The following PCDH15 variants were observed in gnomAD, a reference collection of about 807,000 sequenced individuals.
PCDH15 encodes protocadherin-15.
Under a neutral mutation model 178.5 loss-of-function variants are expected in PCDH15, and 129 were observed. The ratio of observed to expected loss-of-function variants is 0.72; its 90% CI spans 0.63 to 0.84. PCDH15 has a LOEUF of 0.84. PCDH15 is among the 40% of genes least tolerant of loss of function. The pLI, the probability that PCDH15 is intolerant of heterozygous loss-of-function variation, is 0.00. For synonymous variants in PCDH15, 800 were observed against 732.0 expected (o/e 1.09, Z -1.50); for missense variants, 2,230 against 2,099.9 (o/e 1.06, Z -1.21).
intron 1 of PCDH15, among the ~76,000 whole-genome samples, chr10:55,318,682 T>C (rs1439897673): frequency 6.6e-6 from 1 of 152,064 alleles, no homozygotes; most frequent in African/African-American, 2.4e-5. Context: ...TAAAAAATAA[T>C]ATGATGAGAG....
Position 53,831,441 on chromosome 10 carries a change from G to T in PCDH15, c.4076C>A (p.Ala1359Glu), listed in dbSNP as rs762819089. Residue 1359 changes from alanine to glutamate, a missense_variant, in exon 30 of 38, where the codon GCA becomes GAA. Transcript: ENST00000644397. Reference protein sequence around the residue: ...GRILEIRTPEAVTSIKKRGES... With the variant: ...GRILEIRTPEEVTSIKKRGES... ...TCCTCTCTTTTTAATGCTGGTCACT[G>T]CCTCTGGAGTCCGGATCTCCAGAAT... The T allele has an allele frequency of 1.9e-6, 3 of 1,613,950 alleles. No individual in the cohort carries two copies. The highest frequency in any genetic ancestry group is 4.5e-5 in the East Asian group (2 of 44,882).
chr10:54,119,521 A>T (rs2132837642), intron 15 of PCDH15, among the ~76,000 whole-genome samples: 1 of 152,252 alleles, frequency 6.6e-6, no homozygotes, highest in East Asian at 1.9e-4. Flanking sequence ...CCTATTAATT[A>T]TTGGCATTTC....
rs80027978 is a variant in PCDH15 at position 54,180,172 on chromosome 10, A to G, written c.1590+3272T>C. Reference sequence around the variant, plus strand: ...GAAGATGATGTTGGTGCTTTAAGGCATCACTCCTCTAAGTGTTGTTCATGA... The same window carrying G: ...GAAGATGATGTTGGTGCTTTAAGGCGTCACTCCTCTAAGTGTTGTTCATGA... On this transcript the variant is annotated intron_variant, in intron 13 of 37. Coordinates refer to ENST00000644397, the MANE Select transcript of PCDH15 (RefSeq NM_001384140.1). Among the ~76,000 whole-genome samples the G allele has an allele frequency of 8.2e-3, 1,243 of 152,306 alleles. 19 individuals are homozygous for G. The highest frequency in any genetic ancestry group is 0.028 in the African/African-American group (1,163 of 41,580).
In PCDH15 at chr10:54,762,657, G is replaced by A. The variant is rs1948035715; in HGVS notation, c.-29+38268C>T. ...TTACATGGTTAAAACATTCCTTTTA[G>A]AGTAAACACTTATGAAATTCTTAAG... is the stretch of plus-strand genomic sequence containing the variant. On this transcript the variant is annotated intron_variant, in intron 1 of 37. Coordinates refer to ENST00000644397, the MANE Select transcript of PCDH15 (RefSeq NM_001384140.1). Among the ~76,000 whole-genome samples the A allele has an allele frequency of 2.6e-5, 4 of 152,076 alleles. No individual in the cohort carries two copies. The South Asian group carries it at 6.2e-4, about 24-fold the overall frequency.
chr10:54,010,588 T>C lies in PCDH15; in HGVS notation c.2751+9604A>G, dbSNP rs184513442. 5.7e-4 allele frequency among the ~76,000 whole-genome samples: 87 copies of C among 152,284 alleles called. 1 individual carries two copies. Among genetic ancestry groups the C allele is most frequent in the South Asian group, 4.6e-3 (22 of 4,824 alleles). ...TCTTTACTGCCCAGTGCCTCTGGAC[T>C]TGGGCCCCTAGCACAACCACCTTGT... On this transcript the variant is annotated intron_variant, in intron 20 of 37. Coordinates refer to ENST00000644397, the MANE Select transcript of PCDH15 (RefSeq NM_001384140.1).
At chr10:54,675,432 C>A (rs1186133854) in intron 1 of PCDH15, among the ~76,000 whole-genome samples, 1 of 147,520 alleles carries the variant, frequency 6.8e-6, no homozygotes, top group Non-Finnish European at 1.5e-5. Context: ...TCATTCTGAC[C>A]TTTTTAATTC....
At chr10:53,932,850 C>G (rs1463036994) in intron 25 of PCDH15, among the ~76,000 whole-genome samples, 5 of 152,116 alleles carry the variant, frequency 3.3e-5, no homozygotes, top group Non-Finnish European at 7.3e-5. Context: ...GGTGCTGCAG[C>G]TGAGGACATG....
rs567828845 is a variant in PCDH15 at position 54,138,961 on chromosome 10, A to G, written c.1785-5954T>C. 7.2e-5 allele frequency among the ~76,000 whole-genome samples: 11 copies of G among 152,312 alleles called. No homozygotes were observed. The East Asian group carries it at 2.1e-3, about 29-fold the overall frequency. ...TAAAAGAATACACATAAGTAAGCCC[A>G]AAGTATTTTTCAAGTTCAAATGAGT... On this transcript the variant is annotated intron_variant, in intron 14 of 37. Coordinates refer to ENST00000644397, the MANE Select transcript of PCDH15 (RefSeq NM_001384140.1).
chr10:54,945,787 T>C (rs907677577), intron 2 of PCDH15, among the ~76,000 whole-genome samples: 1 of 151,784 alleles, frequency 6.6e-6, no homozygotes, highest in African/African-American at 2.4e-5. Context: ...TACGTTCACA[T>C]AGAAGAAACA....
At chr10:55,300,608 A>C (rs1372121567) in intron 1 of PCDH15, among the ~76,000 whole-genome samples, 1 of 152,176 alleles carries the variant, frequency 6.6e-6, no homozygotes, top group African/African-American at 2.4e-5. Context: ...TTTTATCTAA[A>C]TAATGATGAG....
At chr10:54,747,334 C>T (rs906886323) in intron 1 of PCDH15, among the ~76,000 whole-genome samples, 1 of 152,132 alleles carries the variant, frequency 6.6e-6, no homozygotes, top group African/African-American at 2.4e-5. Context: ...TTTCTCTATG[C>T]TTTCCTACAA....
intron 6 of PCDH15, among the ~76,000 whole-genome samples, chr10:54,330,328 T>G (rs936064087): frequency 5.3e-5 from 8 of 151,892 alleles, no homozygotes; most frequent in African/African-American, 1.4e-4. Flanking sequence ...ATATAGCCTA[T>G]GGCTCCTAGG....
chr10:53,980,503 A>C (rs564376070), intron 21 of PCDH15, among the ~76,000 whole-genome samples: 1 of 152,186 alleles, frequency 6.6e-6, no homozygotes, highest in South Asian at 2.1e-4. Flanking sequence ...CCTAAAGTTT[A>C]CAGTTGATGA....
intron 2 of PCDH15, among the ~76,000 whole-genome samples, chr10:55,504,137 A>G (rs1449626650): frequency 6.6e-6 from 1 of 151,300 alleles, no homozygotes; most frequent in Non-Finnish European, 1.5e-5. Flanking sequence ...AGAACACCAA[A>G]TGTCAACCCT....
rs564924573 is a variant in PCDH15, at chr10:55,343,018, T to C, written c.-155-176367A>G. Among the ~76,000 whole-genome samples, 223 of 152,232 alleles carry C rather than the reference T, an allele frequency of 1.5e-3. 1 individual carries two copies. The highest frequency in any genetic ancestry group is 5.0e-3 in the African/African-American group (206 of 41,550). ...AAATGCATAGAGGCATAAGGGACCATGCAGGACACAACAAAGTGCTTTTCA... is the reference window on the plus strand; with the variant it reads ...AAATGCATAGAGGCATAAGGGACCACGCAGGACACAACAAAGTGCTTTTCA... On this transcript the variant is annotated intron_variant, in intron 2 of 5. Coordinates refer to the PCDH15 transcript ENST00000613346.
At chr10:54,238,973 C>T (rs1185020297) in intron 8 of PCDH15, among the ~76,000 whole-genome samples, 1 of 152,058 alleles carries the variant, frequency 6.6e-6, no homozygotes, top group African/African-American at 2.4e-5. Context: ...CCTGTAAAGG[C>T]ATTTCAAATC....
chr10:54,242,659 C>A (rs377658582), intron 8 of PCDH15, among the ~76,000 whole-genome samples: 13 of 152,066 alleles, frequency 8.5e-5, no homozygotes, highest in East Asian at 3.9e-4. Flanking sequence ...AAGCTTCCAG[C>A]CTTGGTTGAG....
intron 2 of PCDH15, among the ~76,000 whole-genome samples, chr10:54,596,677 A>G (rs12246636): frequency 0.021 from 3,210 of 152,238 alleles, 115 homozygotes; most frequent in African/African-American, 0.074. Flanking sequence ...GAACCAAAAC[A>G]CAATTGTATG....
At chr10:55,285,060 C>G (rs754656959) in intron 1 of PCDH15, among the ~76,000 whole-genome samples, 5 of 151,150 alleles carry the variant, frequency 3.3e-5, no homozygotes, top group African/African-American at 1.2e-4. Flanking sequence ...TTTTCTTAAT[C>G]TCTCTGAAGA....
Sources: gnomAD v4.1 joint callset for allele counts (sites outside exome capture counted in the v4.1 genomes callset) on GRCh38, gnomAD v4.1.1 for gene constraint, MANE v1.5 for transcripts, NCBI Gene and HGNC (gene_info 2026-07-23, HGNC 2026-07-21) for gene names.